The following TMEM135 variants were observed in gnomAD, a reference collection of about 807,000 sequenced individuals.
TMEM135 encodes peroxisomal membrane protein 52.
A neutral mutation model predicts 60.3 loss-of-function variants in TMEM135; 30 were observed. The ratio of observed to expected loss-of-function variants is 0.50; its 90% CI spans 0.37 to 0.68. The LOEUF is 0.68. Ranked by LOEUF, TMEM135 falls within the 30% of genes least tolerant of loss-of-function variation. The pLI is 0.00. For missense variants in TMEM135, 468 were observed against 548.8 expected (o/e 0.85, Z 1.47); for synonymous variants, 190 against 186.7 (o/e 1.02, Z -0.14).
intron 3 of TMEM135, among the ~76,000 whole-genome samples, chr11:87,086,948 G>A (rs551477752): frequency 1.2e-3 from 177 of 152,224 alleles, no homozygotes; most frequent in Non-Finnish European, 1.7e-3. Context: ...ATTGCCGTTA[G>A]GTTAAGGACG....
chr11:87,173,390 G>A (rs1939289509), intron 5 of TMEM135, among the ~76,000 whole-genome samples: 1 of 152,150 alleles, frequency 6.6e-6, no homozygotes, highest in African/African-American at 2.4e-5. Flanking sequence ...TTATGAGGTA[G>A]ATTAGTAGAT....
chr11:87,222,801 C>T (rs956213050), intron 5 of TMEM135, among the ~76,000 whole-genome samples: 1 of 149,820 alleles, frequency 6.7e-6, no homozygotes, highest in Admixed American at 6.6e-5. Flanking sequence ...GCGAAACTGT[C>T]TCAAAAAAAA....
chr11:87,233,034 C>T (rs1456262102), intron 5 of TMEM135, among the ~76,000 whole-genome samples: 1 of 151,984 alleles, frequency 6.6e-6, no homozygotes, highest in East Asian at 1.9e-4. Context: ...GTCTGTAATC[C>T]CAGCTACTGG....
chr11:87,268,255 ATATTTATTTATT>A lies in TMEM135; in HGVS notation c.510-27497_510-27486del, dbSNP rs56802824. 8.0e-3 allele frequency among the ~76,000 whole-genome samples: 1,094 copies of A among 136,828 alleles called. 12 individuals carry two copies. The highest frequency in any genetic ancestry group is 0.024 in the African/African-American group (884 of 36,924). The allele number at this position is 136,828 out of a possible 152,430, so 89.8% of individuals were successfully genotyped here. A position where few individuals can be genotyped will look rare whatever the true frequency, so the allele number is the denominator to read the frequency against. ...AGGCAGGCACCCTCACCACACCTAG[ATATTTATTTATT>A]TATTTATTTATTTATTTATTTATTT... On this transcript the variant is annotated intron_variant, in intron 6 of 14. Transcript: ENST00000305494.
intron 14 of TMEM135, among the ~76,000 whole-genome samples, chr11:87,320,291 G>A (rs1942799375): frequency 6.6e-6 from 1 of 152,118 alleles, no homozygotes; most frequent in African/African-American, 2.4e-5. Flanking sequence ...GTAAATGAAG[G>A]AGCTGGAACA....
At chr11:87,155,843 T>C (rs1938680215) in intron 4 of TMEM135, among the ~76,000 whole-genome samples, 1 of 152,192 alleles carries the variant, frequency 6.6e-6, no homozygotes, top group African/African-American at 2.4e-5. Flanking sequence ...GTATTCCATA[T>C]CTTGAATAAG....
chr11:87,262,022 A>G (rs1941661562), intron 6 of TMEM135, among the ~76,000 whole-genome samples: 1 of 152,174 alleles, frequency 6.6e-6, no homozygotes, highest in African/African-American at 2.4e-5. Flanking sequence ...CTATTTAATA[A>G]TGCATCTTCG....
intron 13 of TMEM135, 95 bp downstream of exon 13, chr11:87,318,330 A>G: frequency 2.2e-6 from 2 of 916,114 alleles, no homozygotes; most frequent in Non-Finnish European, 3.5e-6. Context: ...GAACATTTCT[A>G]TTTACAGTAT....
chr11:87,252,854 C>G (rs1271977746), intron 6 of TMEM135, among the ~76,000 whole-genome samples: 1 of 146,768 alleles, frequency 6.8e-6, no homozygotes, highest in East Asian at 2.0e-4. Context: ...CAAGGACAAA[C>G]ATGAAGCCAT....
intron 9 of TMEM135, among the ~76,000 whole-genome samples, chr11:87,308,496 G>A (rs1215677922): frequency 6.6e-6 from 1 of 152,044 alleles, no homozygotes. Context: ...TTTCCTCATA[G>A]TAATTAATTT....
At chr11:87,059,562 C>T (rs1021083876) in intron 1 of TMEM135, among the ~76,000 whole-genome samples, 7 of 151,624 alleles carry the variant, frequency 4.6e-5, no homozygotes, top group African/African-American at 9.7e-5. Context: ...GTGATCCACT[C>T]GCCTCAGCCT....
intron 6 of TMEM135, among the ~76,000 whole-genome samples, chr11:87,271,061 T>TA (rs1279932204): frequency 3.9e-5 from 6 of 152,160 alleles, no homozygotes. Context: ...CTCACAGTGA[T>TA]AAAATACTTT....
intron 6 of TMEM135, among the ~76,000 whole-genome samples, chr11:87,264,602 T>C (rs1161993553): frequency 1.3e-5 from 2 of 151,920 alleles, no homozygotes; most frequent in African/African-American, 2.4e-5. Context: ...TTCAGATATG[T>C]ATTGAAGACT....
chr11:87,116,887 A>G (rs1403225295), intron 4 of TMEM135, among the ~76,000 whole-genome samples: 2 of 151,496 alleles, frequency 1.3e-5, no homozygotes, highest in Non-Finnish European at 2.9e-5. Context: ...CAGTGGCGTG[A>G]TCTCGGCTCA....
At chr11:87,082,787 A>G (rs189699753) in intron 3 of TMEM135, among the ~76,000 whole-genome samples, 120 of 152,368 alleles carry the variant, frequency 7.9e-4, no homozygotes, top group Non-Finnish European at 2.9e-5. Context: ...AAAGAGTAGA[A>G]GAAACATATT....
intron 6 of TMEM135, among the ~76,000 whole-genome samples, chr11:87,289,164 CT>C (rs1022846169): frequency 6.6e-6 from 1 of 152,014 alleles, no homozygotes; most frequent in Non-Finnish European, 1.5e-5. Context: ...TGTATTTTAT[CT>C]TTTAAAAAAT....
intron 6 of TMEM135, among the ~76,000 whole-genome samples, chr11:87,288,578 T>C (rs1213206162): frequency 6.6e-6 from 1 of 152,234 alleles, no homozygotes; most frequent in Non-Finnish European, 1.5e-5. Flanking sequence ...TGATTTTTAA[T>C]AATAAAGCTA....
chr11:87,179,724 G>T (rs898568716), intron 5 of TMEM135, among the ~76,000 whole-genome samples: 2 of 152,012 alleles, frequency 1.3e-5, no homozygotes, highest in African/African-American at 4.8e-5. Flanking sequence ...AAAAACAGTT[G>T]ACCATAAATA....
chr11:87,263,531 T>C (rs1311126293), intron 6 of TMEM135, among the ~76,000 whole-genome samples: 1 of 152,124 alleles, frequency 6.6e-6, no homozygotes, highest in Admixed American at 6.6e-5. Context: ...TCTTGATTCT[T>C]ACGTATTAAA....
Sources: allele counts gnomAD v4.1 joint callset (sites outside exome capture counted in the v4.1 genomes callset), GRCh38; gene constraint gnomAD v4.1.1; transcripts MANE v1.5; gene names NCBI Gene and HGNC (gene_info 2026-07-23, HGNC 2026-07-21).